PRKN: variants seen among roughly 807,000 people sequenced by gnomAD.
PRKN encodes the protein parkin RBR E3 ubiquitin protein ligase.
PRKN carries 56 observed loss-of-function variants against 59.5 expected under a neutral mutation model. The ratio of observed to expected loss-of-function variants is 0.94; its 90% confidence interval spans 0.76 to 1.18. The LOEUF (loss-of-function observed/expected upper bound fraction) is 1.18, where lower values mean the gene tolerates loss of function less well. PRKN is among the 50% of genes most tolerant of loss of function. The probability of loss-of-function intolerance (pLI) is 0.00; values close to 1 mark genes in which losing one functional copy is unlikely to be tolerated. For missense variants in PRKN, 657 were observed against 596.4 expected, an observed-to-expected ratio of 1.10 and a Z score of -1.06; for synonymous variants, 250 against 222.1, an observed-to-expected ratio of 1.13 and a Z score of -1.12.
intron 9 of PRKN, among the ~76,000 whole-genome samples, chr6:161,412,882 A>T (rs1340244362): frequency 6.6e-6 from 1 of 150,774 alleles, no homozygotes; most frequent in Admixed American, 6.6e-5. Context: ...TCCTCCACTC[A>T]CTCATTCCTT....
rs1784606279 is a variant in PRKN at position 161,352,768 on chromosome 6, TA to T, written c.1286-2558del. Among the ~76,000 whole-genome samples, 1 of 147,148 alleles carries T rather than the reference TA, an allele frequency of 6.8e-6. No homozygotes were observed. Among genetic ancestry groups the T allele is most frequent in the East Asian group, 2.0e-4 (1 of 5,078 alleles). ...GTGTGTGTGTGTGTATATATATATA[TA>T]TATTTTATTTTATTTTATTTTATTT... On this transcript the variant is annotated intron_variant, in intron 11 of 11. Coordinates refer to ENST00000366898, the MANE Select transcript of PRKN (RefSeq NM_004562.3). This position sits in a 1 kb window ranked among gnomAD's most constrained non-coding sequence, Gnocchi z 5.8.
At chr6:161,825,306 A>G (rs1395925687) in intron 6 of PRKN, among the ~76,000 whole-genome samples, 19 of 151,882 alleles carry the variant, frequency 1.3e-4, no homozygotes. Context: ...AATCTGTTGT[A>G]ATTTTCTTAT....
intron 6 of PRKN, among the ~76,000 whole-genome samples, chr6:161,872,665 G>C (rs1020671277): frequency 2.6e-5 from 4 of 151,998 alleles, no homozygotes; most frequent in African/African-American, 9.7e-5. Context: ...CTTAGCAGCA[G>C]CCAGCTCCAT....
At chr6:162,646,669 T>A (rs554917146) in intron 1 of PRKN, among the ~76,000 whole-genome samples, 2 of 152,294 alleles carry the variant, frequency 1.3e-5, no homozygotes, top group Admixed American at 1.3e-4. Flanking sequence ...TTAGGTGATT[T>A]CATCATTGTG....
intron 1 of PRKN, among the ~76,000 whole-genome samples, chr6:162,600,006 G>A (rs1399687705): frequency 6.6e-6 from 1 of 152,118 alleles, no homozygotes; most frequent in Non-Finnish European, 1.5e-5. Flanking sequence ...TTTCATTTAT[G>A]TACAGCAAAA....
rs547209434 is a variant in PRKN at position 162,328,501 on chromosome 6, T to C, written c.172-65736A>G. Among the ~76,000 whole-genome samples the C allele has an allele frequency of 8.5e-5, 13 of 152,254 alleles. 1 individual carries two copies. The highest frequency in any genetic ancestry group is 3.1e-4 in the African/African-American group (13 of 41,552). On this transcript the variant is annotated intron_variant, in intron 2 of 11. Coordinates refer to ENST00000366898, the MANE Select transcript of PRKN (RefSeq NM_004562.3). The stretch of plus-strand genomic sequence containing the variant: ...TGAACAACGAATGTGTATTAGAACT[T>C]ACAAAGATGGGTGAATAAGAAACAG...
At chr6:161,569,607 C>T (rs1480456087) in intron 7 of PRKN, among the ~76,000 whole-genome samples, 191 bp from the exon 8 acceptor site, 1 of 152,202 alleles carries the variant, frequency 6.6e-6, no homozygotes, top group African/African-American at 2.4e-5. Flanking sequence ...CGCTGCCTGG[C>T]CTCCAACCGC....
chr6:161,668,298 A>G (rs1320980643), intron 7 of PRKN, among the ~76,000 whole-genome samples: 1 of 151,402 alleles, frequency 6.6e-6, no homozygotes, highest in Non-Finnish European at 1.5e-5. Context: ...TACAATTGGC[A>G]TCTTGAATGT....
chr6:161,884,837 A>G (rs111894861), intron 6 of PRKN, among the ~76,000 whole-genome samples: 499 of 152,310 alleles, frequency 3.3e-3, no homozygotes, highest in African/African-American at 0.012. Context: ...ATTTTATATG[A>G]GAATCAAATA....
intron 2 of PRKN, among the ~76,000 whole-genome samples, chr6:162,380,751 C>T (rs1029292751): frequency 1.1e-4 from 16 of 151,746 alleles, no homozygotes; most frequent in Admixed American, 9.2e-4. Context: ...AAAAATTCCA[C>T]CTTGCAGCAT....
At chr6:161,893,851 G>A (rs1417087400) in intron 6 of PRKN, among the ~76,000 whole-genome samples, 11 of 152,170 alleles carry the variant, frequency 7.2e-5, no homozygotes, top group African/African-American at 2.4e-4. Context: ...GATGCTTCAT[G>A]CCTTTCTCCT....
intron 9 of PRKN, among the ~76,000 whole-genome samples, chr6:161,420,527 T>C (rs1408743760): frequency 6.6e-6 from 1 of 152,032 alleles, no homozygotes; most frequent in Non-Finnish European, 1.5e-5. Context: ...TCTTTATTTA[T>C]TTTTGAGACA....
At chr6:162,421,546 G>T (rs1788967242) in intron 2 of PRKN, among the ~76,000 whole-genome samples, 1 of 152,122 alleles carries the variant, frequency 6.6e-6, no homozygotes, top group Admixed American at 6.6e-5. Context: ...AATCAGAAAT[G>T]ATACAATATG....
intron 1 of PRKN, among the ~76,000 whole-genome samples, chr6:162,500,801 CAAA>C (rs1420810485): frequency 6.6e-6 from 1 of 152,122 alleles, no homozygotes; most frequent in Non-Finnish European, 1.5e-5. Context: ...AAATGTACCT[CAAA>C]AACTATGTTT....
In PRKN at chr6:162,486,662, C is replaced by A. The variant is rs1009914313; in HGVS notation, c.8-43189G>T. 1.6e-4 allele frequency among the ~76,000 whole-genome samples: 25 copies of A among 152,278 alleles called. No homozygotes were observed. The South Asian group carries it at 1.9e-3, about 11-fold the overall frequency. The stretch of plus-strand genomic sequence containing the variant: ...GTTGTTTTACTTGACATTCTACCAA[C>A]AAGAAAGACTATTTTATAAGGCTGC... On this transcript the variant is annotated intron_variant, in intron 1 of 11. Transcript: ENST00000366898.
At chr6:162,298,800 G>A (rs1238841054) in intron 2 of PRKN, among the ~76,000 whole-genome samples, 2 of 152,102 alleles carry the variant, frequency 1.3e-5, no homozygotes, top group African/African-American at 4.8e-5. Context: ...AAGATTCTCA[G>A]AGCACAGGAA....
intron 2 of PRKN, among the ~76,000 whole-genome samples, chr6:162,275,771 G>C (rs1413299016): frequency 6.7e-6 from 1 of 148,672 alleles, no homozygotes; most frequent in Non-Finnish European, 1.5e-5. Flanking sequence ...GGTAACAAGA[G>C]TGAAAATCCG....
chr6:161,891,312 T>C (rs1236636940), intron 6 of PRKN, among the ~76,000 whole-genome samples: 1 of 152,218 alleles, frequency 6.6e-6, no homozygotes, highest in Non-Finnish European at 1.5e-5. Context: ...GCTTGTGCTG[T>C]TCAAAACAAT....
rs1788563635 is a variant in PRKN, at chr6:161,429,914, G to A, written c.1084-43037C>T. Among the ~76,000 whole-genome samples the A allele has an allele frequency of 6.6e-6, 1 of 152,138 alleles. No individual in the cohort carries two copies. Among genetic ancestry groups the A allele is most frequent in the Non-Finnish European group, 1.5e-5 (1 of 68,032 alleles). On this transcript the variant is annotated intron_variant, in intron 9 of 11. Transcript: ENST00000366898. This position sits in a 1 kb window ranked among gnomAD's most constrained non-coding sequence, Gnocchi z 4.2. The stretch of plus-strand genomic sequence containing the variant: ...ACAAGTTAGTCTGCTCAGTTTTACG[G>A]AGGCCAGGAGAAGACCAGAGGTTCC...
Sources: allele counts gnomAD v4.1 joint callset (sites outside exome capture counted in the v4.1 genomes callset), GRCh38; gene constraint gnomAD v4.1.1; non-coding constraint Gnocchi (gnomAD v3.1); transcripts MANE v1.5; gene names NCBI Gene and HGNC (gene_info 2026-07-23, HGNC 2026-07-21).